The following SORCS2 variants were observed in gnomAD, a reference collection of about 807,000 sequenced individuals.
SORCS2 encodes sortilin related VPS10 domain containing receptor 2.
SORCS2 carries 100 observed loss-of-function variants against 141.6 expected under a neutral mutation model. The observed-to-expected ratio is 0.71, with a 90% CI of 0.60 to 0.83. SORCS2 has a LOEUF of 0.83. Ranked by LOEUF, SORCS2 falls within the 40% of genes least tolerant of loss-of-function variation. The probability of loss-of-function intolerance (pLI) is 0.00; values close to 1 mark genes in which losing one functional copy is unlikely to be tolerated. For missense variants in SORCS2, 1,646 were observed against 1,560.2 expected, an observed-to-expected ratio of 1.05 and a Z score of -0.93; for synonymous variants, 789 against 676.9, an observed-to-expected ratio of 1.17 and a Z score of -2.57.
intron 2 of SORCS2, chr4:7,434,043 C>A: frequency 6.2e-7 from 1 of 1,611,066 alleles, no homozygotes; most frequent in South Asian, 1.1e-5. Flanking sequence ...GTTTCCTTGG[C>A]AACCCCAGCT....
At chr4:7,591,789 G>A (rs1322084092) in intron 3 of SORCS2, among the ~76,000 whole-genome samples, 2 of 152,276 alleles carry the variant, frequency 1.3e-5, no homozygotes, top group South Asian at 2.1e-4. Context: ...TGACCCCGGC[G>A]GGCCTGTCGT....
intron 1 of SORCS2, among the ~76,000 whole-genome samples, chr4:7,359,321 A>AC (rs397820837): frequency 2.6e-5 from 4 of 151,686 alleles, no homozygotes; most frequent in African/African-American, 4.8e-5. Flanking sequence ...AACAAAAAAA[A>AC]CAAAGACTTA....
Position 7,303,142 on chromosome 4 carries a change from T to A in SORCS2, c.481-93146T>A, listed in dbSNP as rs112092488. 3.0e-3 allele frequency among the ~76,000 whole-genome samples: 462 copies of A among 152,268 alleles called. 2 individuals are homozygous for A. Among genetic ancestry groups the A allele is most frequent in the African/African-American group, 0.01 (419 of 41,552 alleles). On this transcript the variant is annotated intron_variant, in intron 1 of 26. Transcript: ENST00000507866. ...ACCTAATTTGATTTTTCAAAATTAG[T>A]GCGCCCAGAGGACCTTTTTAAAAAG...
chr4:7,669,748 G>C (rs934206365), intron 8 of SORCS2, among the ~76,000 whole-genome samples: 2 of 152,136 alleles, frequency 1.3e-5, no homozygotes, highest in African/African-American at 4.8e-5. Context: ...TTCTCCCCCA[G>C]TTCTTGGTCT....
At chr4:7,503,768 C>A (rs4689766) in intron 2 of SORCS2, among the ~76,000 whole-genome samples, 2 of 151,962 alleles carry the variant, frequency 1.3e-5, no homozygotes, top group Admixed American at 6.5e-5. Context: ...GTTCCTGCAA[C>A]GTGTATGGAA....
intron 1 of SORCS2, among the ~76,000 whole-genome samples, chr4:7,200,186 G>C (rs1336313053): frequency 6.6e-6 from 1 of 152,134 alleles, no homozygotes; most frequent in Non-Finnish European, 1.5e-5. Flanking sequence ...TTTGGGGTGG[G>C]AAGCGGGACC....
chr4:7,607,085 C>T (rs1327661954), intron 3 of SORCS2, among the ~76,000 whole-genome samples: 2 of 152,096 alleles, frequency 1.3e-5, no homozygotes, highest in Non-Finnish European at 2.9e-5. Flanking sequence ...ATCTCTTTGC[C>T]GACATAAAAC....
chr4:7,248,322 T>G (rs1363049250), intron 1 of SORCS2, among the ~76,000 whole-genome samples: 1 of 121,472 alleles, frequency 8.2e-6, no homozygotes, highest in African/African-American at 2.8e-5. Flanking sequence ...CTTCTGCAGG[T>G]GTACAGGTCA....
At chr4:7,724,172 A>T (rs866629518) in intron 19 of SORCS2, among the ~76,000 whole-genome samples, 1 of 129,006 alleles carries the variant, frequency 7.8e-6, no homozygotes. Flanking sequence ...GATGGTGGTG[A>T]TGGTGATAGC....
intron 1 of SORCS2, among the ~76,000 whole-genome samples, chr4:7,238,566 T>C (rs943227917): frequency 5.9e-5 from 9 of 152,148 alleles, no homozygotes; most frequent in African/African-American, 2.2e-4. Context: ...TGCTCACGTG[T>C]GTGCATATAT....
intron 3 of SORCS2, among the ~76,000 whole-genome samples, chr4:7,626,982 A>G (rs1719552922): frequency 6.6e-6 from 1 of 151,874 alleles, no homozygotes; most frequent in African/African-American, 2.4e-5. Flanking sequence ...TTATTCATTT[A>G]TTTTATTTTG....
chr4:7,530,687 A>G lies in SORCS2; in HGVS notation c.549-843A>G, dbSNP rs1274290319. On this transcript the variant is annotated intron_variant, in intron 2 of 26. Transcript: ENST00000507866. ...CAGGATCTCTGGGACTTAATCTTCA[A>G]TGGAGAATTAATTCCATATCCTGAT... 2.0e-5 allele frequency among the ~76,000 whole-genome samples: 3 copies of G among 152,366 alleles called. No individual in the cohort carries two copies. In the East Asian group the frequency reaches 5.8e-4, roughly 29 times the overall value.
chr4:7,498,876 G>A (rs1046052953), intron 2 of SORCS2, among the ~76,000 whole-genome samples: 10 of 152,336 alleles, frequency 6.6e-5, no homozygotes, highest in South Asian at 4.1e-4. Context: ...GGAGCCCAGA[G>A]CCCTGTCACC....
chr4:7,259,732 A>G (rs1469731654), intron 1 of SORCS2, among the ~76,000 whole-genome samples: 1 of 152,190 alleles, frequency 6.6e-6, no homozygotes. Context: ...TCTTCTAGTC[A>G]TCATCTCATT....
intron 12 of SORCS2, 135 bp downstream of exon 12, chr4:7,697,409 G>A: frequency 2.6e-6 from 2 of 781,426 alleles, no homozygotes; most frequent in Non-Finnish European, 2.0e-6. Flanking sequence ...CCATCTTGCA[G>A]CCAAAGTGGC....
intron 2 of SORCS2, among the ~76,000 whole-genome samples, chr4:7,503,515 C>CAG (rs777953133): frequency 6.6e-6 from 1 of 152,036 alleles, no homozygotes; most frequent in Non-Finnish European, 1.5e-5. Context: ...GAGATGGAGA[C>CAG]AGAGAGAGAC....
chr4:7,360,343 G>T (rs1026406953), intron 1 of SORCS2, among the ~76,000 whole-genome samples: 3 of 152,052 alleles, frequency 2.0e-5, no homozygotes, highest in Admixed American at 1.3e-4. Context: ...CAGGGAAGGG[G>T]TCCCAACCCT....
chr4:7,682,717 C>G (rs756741915), intron 9 of SORCS2, 26 bp from the exon 10 acceptor site: 2 of 1,592,708 alleles, frequency 1.3e-6, no homozygotes, highest in African/African-American at 2.7e-5. Context: ...TGTAAGTTTA[C>G]AGTCCTTCTT....
At chr4:7,693,994 C>T (rs1724431201) in intron 11 of SORCS2, among the ~76,000 whole-genome samples, 1 of 152,202 alleles carries the variant, frequency 6.6e-6, no homozygotes, top group Admixed American at 6.5e-5. Flanking sequence ...GCAGCCCACT[C>T]ACCTGGGCCC....
Sources: gnomAD v4.1 joint callset for allele counts (sites outside exome capture counted in the v4.1 genomes callset) on GRCh38, gnomAD v4.1.1 for gene constraint, MANE v1.5 for transcripts, NCBI Gene and HGNC (gene_info 2026-07-23, HGNC 2026-07-21) for gene names.